The following RHOJ variants were observed in gnomAD, a reference collection of about 807,000 sequenced individuals.
RHOJ encodes rho-related GTP-binding protein RhoJ.
Under a neutral mutation model 23.4 loss-of-function variants are expected in RHOJ, and 11 were observed. That is an observed-to-expected ratio of 0.47 (90% confidence interval 0.30 to 0.78). The LOEUF (loss-of-function observed/expected upper bound fraction) is 0.78. RHOJ is among the 30% of genes least tolerant of loss of function. RHOJ has a pLI of 0.08. For missense variants in RHOJ, 254 were observed against 273.4 expected (o/e 0.93, Z 0.50); for synonymous variants, 102 against 102.7 (o/e 0.99, Z 0.04).
At chr14:63,279,331 T>C (rs557672003) in intron 2 of RHOJ, among the ~76,000 whole-genome samples, 1 of 152,364 alleles carries the variant, frequency 6.6e-6, no homozygotes, top group South Asian at 2.1e-4. Flanking sequence ...ATAGTGTGTA[T>C]ACACATACAA....
intron 2 of RHOJ, among the ~76,000 whole-genome samples, chr14:63,279,790 T>A (rs530081317): frequency 4.0e-4 from 61 of 152,350 alleles, no homozygotes; most frequent in African/African-American, 1.4e-3. Context: ...TCAAATATTG[T>A]GGTGTCAAAT....
At chr14:63,271,272 T>C (rs955684550) in intron 2 of RHOJ, among the ~76,000 whole-genome samples, 1 of 152,244 alleles carries the variant, frequency 6.6e-6, no homozygotes, top group Admixed American at 6.5e-5. Context: ...TTAAAGTTCC[T>C]TCTAGGCCTA....
chr14:63,277,966 A>AAC (rs34023824), intron 2 of RHOJ, among the ~76,000 whole-genome samples: 9,845 of 141,420 alleles, frequency 0.07, 348 homozygotes, highest in South Asian at 0.088. Context: ...CAGCTACACA[A>AAC]ACACACACAC....
intron 1 of RHOJ, among the ~76,000 whole-genome samples, chr14:63,207,322 G>A (rs112132247): frequency 0.16 from 24,638 of 151,970 alleles, 2,777 homozygotes; most frequent in African/African-American, 0.32. Context: ...GAGCCACCGC[G>A]CCCAACCAGA....
intron 1 of RHOJ, among the ~76,000 whole-genome samples, chr14:63,257,064 T>C (rs1420090964): frequency 7.5e-6 from 1 of 133,216 alleles, no homozygotes; most frequent in African/African-American, 2.8e-5. Flanking sequence ...AGAGCGTGAC[T>C]CTGTCCCAAA....
At chr14:63,265,330 G>A (rs919947726) in intron 1 of RHOJ, among the ~76,000 whole-genome samples, 2 of 152,160 alleles carry the variant, frequency 1.3e-5, no homozygotes, top group African/African-American at 4.8e-5. Flanking sequence ...TCAGATGGCT[G>A]TGGCTGTGCA....
intron 1 of RHOJ, among the ~76,000 whole-genome samples, chr14:63,219,363 A>G (rs1238147673): frequency 1.3e-5 from 2 of 152,146 alleles, no homozygotes; most frequent in African/African-American, 4.8e-5. Context: ...GTATCTGATA[A>G]TGGTGACTTC....
At chr14:63,217,126 G>A (rs1894377525) in intron 1 of RHOJ, among the ~76,000 whole-genome samples, 2 of 145,082 alleles carry the variant, frequency 1.4e-5, no homozygotes, top group Admixed American at 1.4e-4. Context: ...TAGGGTACAT[G>A]TGCACATTGT....
intron 4 of RHOJ, among the ~76,000 whole-genome samples, chr14:63,290,111 C>G (rs940813923): frequency 2.0e-5 from 3 of 152,030 alleles, no homozygotes; most frequent in African/African-American, 7.2e-5. Context: ...GGCTTGGTGG[C>G]ACACGCCTGT....
In RHOJ at chr14:63,254,770, AGACAGATG is replaced by A. The variant is rs968645877; in HGVS notation, c.179-14325_179-14318del. Reference sequence around the variant, plus strand: ...CCATGCCCACACAGGCTGCCATGGTAGACAGATGGACAGATGGACAGAGAGCAACAGTG... The same window carrying A: ...CCATGCCCACACAGGCTGCCATGGTAGACAGATGGACAGAGAGCAACAGTG... On this transcript the variant is annotated intron_variant, in intron 1 of 4. Transcript: ENST00000316754. Among the ~76,000 whole-genome samples, 86 of 152,256 alleles carry A rather than the reference AGACAGATG, an allele frequency of 5.6e-4. No homozygotes were observed. The Middle Eastern group carries it at 0.01, about 18-fold the overall frequency.
chr14:63,284,482 A>G (rs547287535), intron 4 of RHOJ: 2 of 413,300 alleles, frequency 4.8e-6, no homozygotes, highest in African/African-American at 4.3e-5. Flanking sequence ...ACAGTCTTAG[A>G]AGACAAGCAC....
At chr14:63,225,453 C>T (rs1251003804) in intron 1 of RHOJ, among the ~76,000 whole-genome samples, 3 of 152,194 alleles carry the variant, frequency 2.0e-5, no homozygotes, top group African/African-American at 7.2e-5. Flanking sequence ...GCAATTTCAA[C>T]TCTCAAATGC....
At chr14:63,281,897 T>C (rs1329461449) in intron 3 of RHOJ, among the ~76,000 whole-genome samples, 1 of 152,258 alleles carries the variant, frequency 6.6e-6, no homozygotes, top group Non-Finnish European at 1.5e-5. Flanking sequence ...TTCATTGTTA[T>C]CTGTTTCATA....
In RHOJ at chr14:63,291,619, T is replaced by A. The variant is rs1312980184; in HGVS notation, c.*595T>A. On this transcript the variant is annotated 3_prime_UTR_variant, in exon 5 of 5. Coordinates refer to ENST00000316754, the MANE Select transcript of RHOJ (RefSeq NM_020663.5). ...TTCAGCATGTTTCTACCAAAGCTAT[T>A]AGAACCAACACGTACCTCTGAATGC... 6.3e-6 allele frequency: 1 copy of A among 158,038 alleles called. No homozygotes were observed. 9.8% of individuals were successfully genotyped at this position (158,038 alleles called of 1,614,324 possible). A position where few individuals can be genotyped will look rare whatever the true frequency, so the allele number is the denominator to read the frequency against.
At chr14:63,215,835 CTT>C (rs1425767339) in intron 1 of RHOJ, among the ~76,000 whole-genome samples, 1 of 152,082 alleles carries the variant, frequency 6.6e-6, no homozygotes, top group East Asian at 1.9e-4. Context: ...CCCTTTCTGT[CTT>C]GTTTACTTTT....
At chr14:63,249,815 G>A (rs956723730) in intron 1 of RHOJ, among the ~76,000 whole-genome samples, 2 of 152,158 alleles carry the variant, frequency 1.3e-5, no homozygotes, top group African/African-American at 4.8e-5. Flanking sequence ...TCAATGCCTG[G>A]ATATCGATAG....
intron 1 of RHOJ, among the ~76,000 whole-genome samples, chr14:63,227,368 A>G (rs908234533): frequency 1.3e-5 from 2 of 152,194 alleles, no homozygotes; most frequent in African/African-American, 4.8e-5. Context: ...TTGGGGAAAT[A>G]AACTAATATA....
chr14:63,207,818 T>C (rs1025650161), intron 1 of RHOJ, among the ~76,000 whole-genome samples: 3 of 152,226 alleles, frequency 2.0e-5, no homozygotes, highest in African/African-American at 7.2e-5. Context: ...ATTAAGGTAT[T>C]AGAATTGTGT....
Position 63,291,076 on chromosome 14 carries a change from T to G in RHOJ, c.*52T>G, listed in dbSNP as rs1409266956. The stretch of plus-strand genomic sequence containing the variant: ...ATCCAGGGATGAGAATGGCAGCCAA[T>G]CTCTGTGGCCAAGCTCCAGCCAAAA... On this transcript the variant is annotated 3_prime_UTR_variant, in exon 5 of 5. Transcript: ENST00000316754. The G allele has an allele frequency of 6.2e-7, 1 of 1,605,080 alleles. No homozygotes were observed. Among genetic ancestry groups the G allele is most frequent in the South Asian group, 1.1e-5 (1 of 90,892 alleles).
Sources: gnomAD v4.1 joint callset for allele counts (sites outside exome capture counted in the v4.1 genomes callset) on GRCh38, gnomAD v4.1.1 for gene constraint, MANE v1.5 for transcripts, NCBI Gene and HGNC (gene_info 2026-07-23, HGNC 2026-07-21) for gene names.